Variants in EPHA3 observed in about 807,000 individuals in gnomAD.
The protein encoded by EPHA3 is ephrin type-A receptor 3.
In EPHA3, 42 loss-of-function variants were observed where a neutral mutation model predicts 107.1. The ratio of observed to expected loss-of-function variants is 0.39; its 90% CI spans 0.31 to 0.51. The LOEUF is 0.51. Among genes scored for constraint, EPHA3 ranks in the 20% least tolerant of loss-of-function variants. The pLI is 0.78. For missense variants in EPHA3, 1,183 were observed against 1,211.2 expected (o/e 0.98, Z 0.35); for synonymous variants, 461 against 424.8 (o/e 1.09, Z -1.05).
intron 5 of EPHA3, among the ~76,000 whole-genome samples, chr3:89,377,595 G>A (rs1162790332): frequency 6.6e-6 from 1 of 152,108 alleles, no homozygotes; most frequent in African/African-American, 2.4e-5. Context: ...TTGGAAAATA[G>A]ACTACCAGAC....
intron 16 of EPHA3, among the ~76,000 whole-genome samples, chr3:89,476,203 A>G (rs1184023161): frequency 1.4e-5 from 2 of 147,516 alleles, no homozygotes; most frequent in Admixed American, 1.4e-4. Flanking sequence ...ATATATATAA[A>G]CATGTATATA....
chr3:89,185,920 A>G (rs1347197917), intron 2 of EPHA3, among the ~76,000 whole-genome samples: 1 of 151,932 alleles, frequency 6.6e-6, no homozygotes, highest in Non-Finnish European at 1.5e-5. Context: ...ATTGTCTATT[A>G]CTCAAATTTA....
intron 3 of EPHA3, among the ~76,000 whole-genome samples, chr3:89,248,357 C>T (rs570539945): frequency 6.6e-6 from 1 of 152,280 alleles, no homozygotes; most frequent in South Asian, 2.1e-4. Flanking sequence ...GTCTGACTTC[C>T]TGCAACTCAG....
intron 11 of EPHA3, among the ~76,000 whole-genome samples, chr3:89,422,597 A>T (rs1709372795): frequency 6.6e-6 from 1 of 151,434 alleles, no homozygotes; most frequent in Non-Finnish European, 1.5e-5. Flanking sequence ...ATCAAATGAG[A>T]TTACATAAGA....
rs561179532 is a variant in EPHA3, at chr3:89,329,838, G to A, written c.815-11078G>A. On this transcript the variant is annotated intron_variant, in intron 3 of 16. Coordinates refer to ENST00000336596, the MANE Select transcript of EPHA3 (RefSeq NM_005233.6). ...AAGTTTCTTCCCACCTTCACTGGGA[G>A]AGGGGAATATTTTTGTGTTTCTGAC... 8.5e-4 allele frequency among the ~76,000 whole-genome samples: 129 copies of A among 152,128 alleles called. 1 individual carries two copies. Among genetic ancestry groups the A allele is most frequent in the African/African-American group, 2.8e-3 (118 of 41,532 alleles).
intron 2 of EPHA3, among the ~76,000 whole-genome samples, chr3:89,195,797 C>T (rs1388379045): frequency 6.6e-6 from 1 of 152,108 alleles, no homozygotes; most frequent in Non-Finnish European, 1.5e-5. Context: ...TCATCTAGCC[C>T]ATCCTAAACA....
At chr3:89,351,921 G>T (rs1274139047) in intron 5 of EPHA3, among the ~76,000 whole-genome samples, 1 of 131,296 alleles carries the variant, frequency 7.6e-6, no homozygotes, top group African/African-American at 2.9e-5. Flanking sequence ...ATTCAAGGCA[G>T]ATGCAAAAAA....
chr3:89,118,548 T>C (rs1465308954), intron 1 of EPHA3, among the ~76,000 whole-genome samples: 2 of 151,928 alleles, frequency 1.3e-5, no homozygotes, highest in Non-Finnish European at 2.9e-5. Flanking sequence ...GCCAGGTGTG[T>C]AGTAGGTTTA....
chr3:89,237,981 G>GAA (rs1189913937), intron 3 of EPHA3, among the ~76,000 whole-genome samples: 17 of 110,284 alleles, frequency 1.5e-4, no homozygotes, highest in East Asian at 1.3e-3. Context: ...CATGTCTCAG[G>GAA]AAAAAAAAAA....
At chr3:89,213,955 A>C (rs1320953615) in intron 3 of EPHA3, among the ~76,000 whole-genome samples, 1 of 152,048 alleles carries the variant, frequency 6.6e-6, no homozygotes, top group East Asian at 1.9e-4. Context: ...ATTTAAATAA[A>C]AAGTATGGCA....
chr3:89,468,402 T>C (rs1292993714), intron 15 of EPHA3, among the ~76,000 whole-genome samples: 1 of 152,184 alleles, frequency 6.6e-6, no homozygotes, highest in Admixed American at 6.5e-5. Context: ...GGCTAAAGTG[T>C]TGAGTGTAAA....
chr3:89,133,434 C>T (rs549415466), intron 2 of EPHA3, among the ~76,000 whole-genome samples: 10 of 152,226 alleles, frequency 6.6e-5, no homozygotes, highest in East Asian at 1.9e-4. Flanking sequence ...TTTTTGTCAA[C>T]GAGAAATAAG....
chr3:89,139,091 T>A (rs1704374142), intron 2 of EPHA3, among the ~76,000 whole-genome samples: 1 of 151,910 alleles, frequency 6.6e-6, no homozygotes, highest in African/African-American at 2.4e-5. Flanking sequence ...ATAAGCTAAT[T>A]TTTTAAAAAA....
chr3:89,128,940 A>T (rs913567520), intron 2 of EPHA3, among the ~76,000 whole-genome samples: 1 of 152,080 alleles, frequency 6.6e-6, no homozygotes, highest in African/African-American at 2.4e-5. Flanking sequence ...TTCCAGAGCT[A>T]TGTTGGAGGT....
At chr3:89,203,324 T>TAAAAAAAAAAAAAA (rs138552890) in intron 2 of EPHA3, among the ~76,000 whole-genome samples, 1 of 138,378 alleles carries the variant, frequency 7.2e-6, no homozygotes, top group African/African-American at 2.7e-5. Flanking sequence ...TAGCCGGAAT[T>TAAAAAAAAAAAAAA]AAAAAAAAAA....
intron 5 of EPHA3, among the ~76,000 whole-genome samples, chr3:89,392,309 C>T (rs148458884): frequency 1.3e-5 from 2 of 151,890 alleles, no homozygotes; most frequent in East Asian, 1.9e-4. Context: ...TGTGGTGGCA[C>T]GCATCTGTAA....
chr3:89,212,254 G>A (rs1313726594), intron 3 of EPHA3, among the ~76,000 whole-genome samples: 1 of 151,884 alleles, frequency 6.6e-6, no homozygotes, highest in Non-Finnish European at 1.5e-5. Context: ...AATTTACCAT[G>A]TATATAACTT....
chr3:89,369,602 A>G (rs1474174003), intron 5 of EPHA3, among the ~76,000 whole-genome samples: 2 of 149,888 alleles, frequency 1.3e-5, no homozygotes, highest in East Asian at 3.9e-4. Flanking sequence ...ATGGGCAAGG[A>G]CTTCATGTCT....
At position 89,304,299 on chromosome 3, in the gene EPHA3, G is replaced by A. The variant is rs113435135; in HGVS notation, c.815-36617G>A. ...TTACCCTCTACCATTTATTCCCAACGTAGACATGGTGATATTATTTGTTAA... is the reference window on the plus strand; with the variant it reads ...TTACCCTCTACCATTTATTCCCAACATAGACATGGTGATATTATTTGTTAA... On this transcript the variant is annotated intron_variant, in intron 3 of 16. Coordinates refer to ENST00000336596, the MANE Select transcript of EPHA3 (RefSeq NM_005233.6). Among the ~76,000 whole-genome samples, 1,010 of 152,000 alleles carry A rather than the reference G, an allele frequency of 6.6e-3. 9 individuals are homozygous for A. The highest frequency in any genetic ancestry group is 0.023 in the African/African-American group (961 of 41,438).
Sources: allele counts gnomAD v4.1 joint callset (sites outside exome capture counted in the v4.1 genomes callset), GRCh38; gene constraint gnomAD v4.1.1; transcripts MANE v1.5; gene names NCBI Gene and HGNC (gene_info 2026-07-23, HGNC 2026-07-21).